The following ARID5B variants were observed in gnomAD, a reference collection of about 807,000 sequenced individuals.
The protein encoded by ARID5B is AT-rich interactive domain-containing protein 5B.
A neutral mutation model predicts 97.2 loss-of-function variants in ARID5B; 13 were observed. The ratio of observed to expected loss-of-function variants is 0.13; its 90% CI spans 0.09 to 0.21. ARID5B has a LOEUF of 0.21. Ranked by LOEUF, ARID5B falls within the 10% of genes least tolerant of loss-of-function variation. The probability of loss-of-function intolerance (pLI) is 1.00; values close to 1 mark genes in which losing one functional copy is unlikely to be tolerated. For missense variants in ARID5B, 1,210 were observed against 1,465.3 expected (o/e 0.83, Z 2.84); for synonymous variants, 556 against 570.3 (o/e 0.97, Z 0.36).
intron 8 of ARID5B, among the ~76,000 whole-genome samples, chr10:62,073,203 G>C (rs1840088021): frequency 6.6e-6 from 1 of 152,224 alleles, no homozygotes; most frequent in African/African-American, 2.4e-5. Flanking sequence ...AAAGAGAACT[G>C]CTCTTTTTCC....
At chr10:61,907,446 G>A (rs1843726056) in intron 2 of ARID5B, among the ~76,000 whole-genome samples, 1 of 152,118 alleles carries the variant, frequency 6.6e-6, no homozygotes, top group South Asian at 2.1e-4. Context: ...TTAAGCCTCT[G>A]TTTCTTCCTC....
chr10:62,092,314 C>T lies in ARID5B; in HGVS notation c.2851C>T (p.His951Tyr). ...QVLGSQSRDC[H>Y]PKACRVSPMT... is the part of the protein sequence containing the mutation. ...CTTAGGCAGCCAGAGTCGAGACTGT[C>T]ACCCCAAAGCCTGTCGGGTATCACC... is the stretch of plus-strand genomic sequence containing the variant. Residue 951 changes from histidine (H) to tyrosine (Y), a missense_variant, in exon 10 of 10, where the codon CAC becomes TAC. By Grantham distance (83) the His-to-Tyr change is moderately conservative (BLOSUM62 2). Coordinates refer to ENST00000279873, the MANE Select transcript of ARID5B (RefSeq NM_032199.3). 2 of 1,610,694 alleles carry T rather than the reference C, an allele frequency of 1.2e-6. No individual in the cohort carries two copies. The highest frequency in any genetic ancestry group is 1.7e-6 in the Non-Finnish European group (2 of 1,178,476).
At chr10:62,072,938 A>G (rs1323979122) in intron 8 of ARID5B, among the ~76,000 whole-genome samples, 1 of 152,232 alleles carries the variant, frequency 6.6e-6, no homozygotes, top group Non-Finnish European at 1.5e-5. Context: ...CTAAAACTTC[A>G]TGATTATGGT....
At position 61,904,875 on chromosome 10, in the gene ARID5B, G is replaced by A. The variant is rs1185849128; in HGVS notation, c.276+2462G>A. ...GGTAGAAAGTTTCCCAATGCAGATCGGTTTTCCACCCTGGTGATGTCATTT... is the reference window on the plus strand; with the variant it reads ...GGTAGAAAGTTTCCCAATGCAGATCAGTTTTCCACCCTGGTGATGTCATTT... On this transcript the variant is annotated intron_variant, in intron 2 of 9. Transcript: ENST00000279873. 5.9e-5 allele frequency among the ~76,000 whole-genome samples: 9 copies of A among 152,282 alleles called. 1 individual carries two copies. The South Asian group carries it at 1.7e-3, about 28-fold the overall frequency.
At chr10:62,048,303 G>A (rs544526414) in intron 4 of ARID5B, among the ~76,000 whole-genome samples, 1 of 152,310 alleles carries the variant, frequency 6.6e-6, no homozygotes, top group African/African-American at 2.4e-5. Context: ...ATCCCACAGG[G>A]TCTTGCCCTT....
chr10:62,043,316 G>A (rs977416530), intron 4 of ARID5B, among the ~76,000 whole-genome samples: 3 of 152,188 alleles, frequency 2.0e-5, no homozygotes, highest in African/African-American at 7.2e-5. Flanking sequence ...AAGCAGTAGT[G>A]AAAAGCATCT....
intron 3 of ARID5B, among the ~76,000 whole-genome samples, chr10:61,985,077 A>C (rs989771621): frequency 3.0e-4 from 45 of 151,822 alleles, no homozygotes; most frequent in African/African-American, 1.1e-3. Context: ...ATGGTATTTT[A>C]ATCTGCCTGG....
At chr10:61,916,579 G>A (rs1843909076) in intron 2 of ARID5B, among the ~76,000 whole-genome samples, 1 of 152,164 alleles carries the variant, frequency 6.6e-6, no homozygotes, top group African/African-American at 2.4e-5. Context: ...TTGCGGGAGG[G>A]TAATTTGAAA....
At chr10:62,074,705 C>G (rs530618881) in intron 8 of ARID5B, among the ~76,000 whole-genome samples, 1 of 152,074 alleles carries the variant, frequency 6.6e-6, no homozygotes, top group African/African-American at 2.4e-5. Flanking sequence ...TTAATAGATA[C>G]GCAATTCAGA....
intron 2 of ARID5B, among the ~76,000 whole-genome samples, chr10:61,903,119 A>G (rs906012763): frequency 6.7e-5 from 10 of 150,132 alleles, no homozygotes; most frequent in Non-Finnish European, 1.3e-4. Flanking sequence ...CTAGTTTGCA[A>G]TTACTCCACG....
At chr10:61,901,802 C>CGT in intron 1 of ARID5B, 72 bp downstream of exon 1, 2 of 1,288,284 alleles carry the variant, frequency 1.6e-6, no homozygotes, top group Non-Finnish European at 2.2e-6. Flanking sequence ...CTCACCCACA[C>CGT]CTCTGCACCC....
At chr10:62,005,196 G>C (rs1005393289) in intron 4 of ARID5B, among the ~76,000 whole-genome samples, 3 of 152,226 alleles carry the variant, frequency 2.0e-5, no homozygotes, top group African/African-American at 7.2e-5. Context: ...AGGAGGGACA[G>C]CAGGGTATAG....
chr10:62,024,451 G>A (rs1181497560), intron 4 of ARID5B, among the ~76,000 whole-genome samples: 1 of 152,164 alleles, frequency 6.6e-6, no homozygotes, highest in African/African-American at 2.4e-5. Flanking sequence ...CAGAGTGGAA[G>A]GGAACCTTTC....
chr10:62,088,691 T>C (rs1039078600), intron 9 of ARID5B, among the ~76,000 whole-genome samples: 1 of 152,236 alleles, frequency 6.6e-6, no homozygotes, highest in Non-Finnish European at 1.5e-5. Flanking sequence ...ACCTCCAACA[T>C]AGAACCATGT....
intron 3 of ARID5B, among the ~76,000 whole-genome samples, chr10:61,974,534 A>G (rs1053521246): frequency 4.6e-5 from 7 of 152,206 alleles, no homozygotes; most frequent in African/African-American, 1.7e-4. Context: ...TCACATAACC[A>G]TTTATTTATA....
intron 3 of ARID5B, among the ~76,000 whole-genome samples, chr10:61,950,779 C>T (rs984480519): frequency 6.6e-6 from 1 of 152,202 alleles, no homozygotes; most frequent in African/African-American, 2.4e-5. Context: ...TTTATTTTGT[C>T]ATAACTCTAA....
At chr10:61,912,168 A>C (rs952653607) in intron 2 of ARID5B, among the ~76,000 whole-genome samples, 3 of 152,256 alleles carry the variant, frequency 2.0e-5, no homozygotes, top group Non-Finnish European at 4.4e-5. Context: ...AAAGGATCGC[A>C]GTATAACTGG....
At chr10:62,034,503 C>T (rs562809284) in intron 4 of ARID5B, among the ~76,000 whole-genome samples, 86 of 152,314 alleles carry the variant, frequency 5.6e-4, no homozygotes, top group Non-Finnish European at 8.2e-4. Context: ...AGGAGCTATG[C>T]GCTTATATAA....
chr10:62,032,485 A>G (rs1839509452), intron 4 of ARID5B, among the ~76,000 whole-genome samples: 1 of 152,160 alleles, frequency 6.6e-6, no homozygotes, highest in Non-Finnish European at 1.5e-5. Flanking sequence ...TGGGAGGCTG[A>G]GGCGGCAGAT....
Sources: allele counts gnomAD v4.1 joint callset (sites outside exome capture counted in the v4.1 genomes callset), GRCh38; gene constraint gnomAD v4.1.1; transcripts MANE v1.5; gene names NCBI Gene and HGNC (gene_info 2026-07-23, HGNC 2026-07-21).